NEK9: variants seen among roughly 807,000 people sequenced by gnomAD.
NEK9 encodes the protein NIMA related kinase 9, also known as serine/threonine-protein kinase Nek9.
Under a neutral mutation model 123.4 loss-of-function variants are expected in NEK9, and 75 were observed. The ratio of observed to expected loss-of-function variants is 0.61; its 90% CI spans 0.50 to 0.74. The LOEUF is 0.74. Among genes scored for constraint, NEK9 ranks in the 30% least tolerant of loss-of-function variants. The pLI is 0.00. For missense variants in NEK9, 952 were observed against 1,214.4 expected (o/e 0.78, Z 3.21); for synonymous variants, 438 against 458.7 (o/e 0.95, Z 0.58).
At chr14:75,127,175 A>G (rs1895572524), upstream of NEK9, 1 of 446,356 alleles carries the variant, frequency 2.2e-6, no homozygotes, top group East Asian at 3.9e-5. Context: ...AGGCCTGCAA[A>G]GTGAGGCCTC....
At chr14:75,090,051 T>A (rs1188515040) in intron 19 of NEK9, among the ~76,000 whole-genome samples, 1 of 152,122 alleles carries the variant, frequency 6.6e-6, no homozygotes, top group Non-Finnish European at 1.5e-5. Flanking sequence ...CAGGCTGTTC[T>A]CAAACTCCTG....
chr14:75,109,723 C>A lies in NEK9; in HGVS notation c.1144G>T (p.Ala382Ser). ...AGTTCCTTCTCCACTGTGACCACAG[C>A]AAAGTGGGTATTCCCTGCACAGACC... ...RQVCAGNTHFAVVTVEKELYT... is the reference protein window; with the variant it reads ...RQVCAGNTHFSVVTVEKELYT... Residue 382 changes from alanine to serine, a missense_variant, in exon 10 of 22, where the codon GCT becomes TCT. Physicochemically the swap from Ala to Ser is moderately conservative, Grantham distance 99. Coordinates refer to ENST00000238616, the MANE Select transcript of NEK9 (RefSeq NM_033116.6). 2 of 1,614,088 alleles carry A rather than the reference C, an allele frequency of 1.2e-6. No homozygotes were observed. Among genetic ancestry groups the A allele is most frequent in the Non-Finnish European group, 1.7e-6 (2 of 1,180,010 alleles).
intron 15 of NEK9, 87 bp downstream of exon 15, chr14:75,101,570 G>T: frequency 1.3e-6 from 1 of 791,082 alleles, no homozygotes; most frequent in Non-Finnish European, 2.1e-6. Context: ...AAATCGGGAT[G>T]ATATACATAT....
intron 13 of NEK9, 104 bp from the exon 14 acceptor site, chr14:75,104,101 A>C (rs1012679857): frequency 1.7e-6 from 2 of 1,198,120 alleles, no homozygotes; most frequent in Non-Finnish European, 2.3e-6. Flanking sequence ...TAGCAGAATG[A>C]CTACAGGAAA....
At chr14:75,094,407 C>G (rs1223479061) in intron 18 of NEK9, among the ~76,000 whole-genome samples, 1 of 152,234 alleles carries the variant, frequency 6.6e-6, no homozygotes, top group Non-Finnish European at 1.5e-5. Context: ...CCTCCTGACT[C>G]AGCTTCCTGA....
intron 13 of NEK9, among the ~76,000 whole-genome samples, chr14:75,104,985 C>T (rs1355264536): frequency 2.0e-5 from 3 of 152,188 alleles, no homozygotes; most frequent in Non-Finnish European, 4.4e-5. Flanking sequence ...TTGACAGTTA[C>T]AGAAATTCAG....
intron 7 of NEK9, 86 bp downstream of exon 7, chr14:75,114,117 G>C (rs1226909334): frequency 4.4e-6 from 4 of 917,558 alleles, no homozygotes; most frequent in Non-Finnish European, 7.1e-6. Flanking sequence ...ATGTGGTTTT[G>C]TATGGTTTAT....
intron 16 of NEK9, among the ~76,000 whole-genome samples, chr14:75,100,245 G>A (rs561308101): frequency 2.0e-5 from 3 of 147,120 alleles, no homozygotes; most frequent in Admixed American, 6.9e-5. Flanking sequence ...TTGGGAGTTC[G>A]AGACCAGCTG....
chr14:75,125,977 C>G (rs2139818355), intron 1 of NEK9, among the ~76,000 whole-genome samples: 1 of 152,342 alleles, frequency 6.6e-6, no homozygotes, highest in Admixed American at 6.5e-5. Flanking sequence ...ATCCATGGAT[C>G]TCTCCAAAGG....
At chr14:75,096,457 T>C (rs899887085) in intron 17 of NEK9, among the ~76,000 whole-genome samples, 2 of 152,206 alleles carry the variant, frequency 1.3e-5, no homozygotes, top group Non-Finnish European at 2.9e-5. Context: ...TTTTAAAGGA[T>C]GTACTGAATG....
chr14:75,126,451 T>C (rs1016379629), intron 1 of NEK9, among the ~76,000 whole-genome samples: 19 of 152,162 alleles, frequency 1.2e-4, no homozygotes, highest in African/African-American at 3.9e-4. Context: ...AGTAAGCCCA[T>C]TTTACAGATG....
At chr14:75,120,393 C>A in intron 4 of NEK9, 117 bp downstream of exon 4, 1 of 615,838 alleles carries the variant, frequency 1.6e-6, no homozygotes, top group Non-Finnish European at 2.9e-6. Context: ...CTAGTGATAT[C>A]AATGGAAAAA....
Position 75,124,161 on chromosome 14 carries a change from A to C in NEK9, c.282T>G (p.Arg94=), listed in dbSNP as rs935697080. 1 of 1,614,032 alleles carries C rather than the reference A, an allele frequency of 6.2e-7. No individual in the cohort carries two copies. The highest frequency in any genetic ancestry group is 1.7e-5 in the Admixed American group (1 of 60,010). ...GAATAACAATCTCATTCAAGGCATCACGACGTTCCTTCTCAGACAGCCGGG... is the reference window on the plus strand; with the variant it reads ...GAATAACAATCTCATTCAAGGCATCCCGACGTTCCTTCTCAGACAGCCGGG... ...DLTRLSEKER[R]DALNEIVILA... The change falls in exon 2 of 22, where the codon CGT becomes CGG. Residue 94 remains arginine (R), a synonymous_variant. Transcript: ENST00000238616.
chr14:75,104,047 A>G, intron 13 of NEK9, 50 bp from the exon 14 acceptor site: 1 of 1,538,116 alleles, frequency 6.5e-7, no homozygotes, highest in Non-Finnish European at 8.8e-7. Flanking sequence ...AATTCGTATT[A>G]GAAAAAAAGC....
chr14:75,100,466 C>CA (rs1894538930), intron 16 of NEK9, among the ~76,000 whole-genome samples: 1 of 151,970 alleles, frequency 6.6e-6, no homozygotes, highest in Non-Finnish European at 1.5e-5. Context: ...AACAAACAAA[C>CA]AAAAAAATCG....
rs539854386 is a variant in NEK9 at position 75,088,405 on chromosome 14, G to A, written c.2604+75C>T. On this transcript the variant is annotated intron_variant, in intron 20 of 21. Transcript: ENST00000238616. ...GCAGCTGAAACCCAAAAGCTAGAGCGAGGCCAGAAGAACCAGGCAGAGCTT... is the reference window on the plus strand; with the variant it reads ...GCAGCTGAAACCCAAAAGCTAGAGCAAGGCCAGAAGAACCAGGCAGAGCTT... The A allele has an allele frequency of 9.5e-6, 14 of 1,468,534 alleles. No homozygotes were observed. In the South Asian group the frequency reaches 1.4e-4, roughly 14 times the overall value. The allele number at this position is 1,468,534 out of a possible 1,614,324, so 91.0% of individuals were successfully genotyped here.
At chr14:75,119,405 C>T (rs1895249055) in intron 4 of NEK9, among the ~76,000 whole-genome samples, 1 of 152,326 alleles carries the variant, frequency 6.6e-6, no homozygotes, top group East Asian at 1.9e-4. Context: ...ATCACTTTCA[C>T]ATGCTATTTA....
chr14:75,101,616 T>C (rs746616194), intron 15 of NEK9, 41 bp downstream of exon 15: 53 of 1,368,454 alleles, frequency 3.9e-5, no homozygotes, highest in Admixed American at 2.5e-4. Context: ...TAAAAGAGGC[T>C]CAGCTACTAA....
rs1893892956 is a variant in NEK9, at chr14:75,082,449, T to C, written c.*2115A>G. 6.6e-6 allele frequency: 1 copy of C among 152,360 alleles called. No homozygotes were observed. The highest frequency in any genetic ancestry group is 2.4e-5 in the African/African-American group (1 of 41,458). 9.4% of individuals were successfully genotyped at this position (152,360 alleles called of 1,614,324 possible). ...TTGGTGGGAAAAAAAATCATATGGC[T>C]GTCCCAGGCACAATATGGGAAAGTG... On this transcript the variant is annotated 3_prime_UTR_variant, in exon 22 of 22. Coordinates refer to ENST00000238616, the MANE Select transcript of NEK9 (RefSeq NM_033116.6).
Sources: allele counts gnomAD v4.1 joint callset (sites outside exome capture counted in the v4.1 genomes callset), GRCh38; gene constraint gnomAD v4.1.1; transcripts MANE v1.5; gene names NCBI Gene and HGNC (gene_info 2026-07-23, HGNC 2026-07-21).